Variants in TINAGL1 observed in about 807,000 individuals in gnomAD.
The protein encoded by TINAGL1 is tubulointerstitial nephritis antigen-like.
A neutral mutation model predicts 62.0 loss-of-function variants in TINAGL1; 34 were observed. That is an observed-to-expected ratio of 0.55 (90% confidence interval 0.42 to 0.73). The LOEUF is 0.73. Ranked by LOEUF, TINAGL1 falls within the 30% of genes least tolerant of loss-of-function variation. The pLI is 0.00. For missense variants in TINAGL1, 516 were observed against 653.2 expected (o/e 0.79, Z 2.29); for synonymous variants, 221 against 249.7 (o/e 0.88, Z 1.08).
In TINAGL1 at chr1:31,584,461, C is replaced by A; in HGVS notation, c.583-217C>A. 1.6e-6 allele frequency: 1 copy of A among 627,820 alleles called. No individual in the cohort carries two copies. Among genetic ancestry groups the A allele is most frequent in the Non-Finnish European group, 2.7e-6 (1 of 368,160 alleles). 38.9% of individuals were successfully genotyped at this position (627,820 alleles called of 1,614,324 possible). On this transcript the variant is annotated intron_variant, in intron 5 of 11. Coordinates refer to ENST00000271064, the MANE Select transcript of TINAGL1 (RefSeq NM_022164.3). This position sits in a 1 kb window ranked among gnomAD's most constrained non-coding sequence, Gnocchi z 4.0. ...GCAGGACTAGTCACCACCGCCACCC[C>A]GCCCCGCCCCACCACCTGATACCTG...
In TINAGL1 at chr1:31,584,333, G is replaced by A. The variant is rs1021959415; in HGVS notation, c.583-345G>A. ...CTAAGGCCTGAAGAAAGCTAAGGCC[G>A]ATCAGAAGGTGCAGAGGAAAGAGGC... On this transcript the variant is annotated intron_variant, in intron 5 of 11. Transcript: ENST00000271064. The surrounding 1 kb of genome is among the most constrained non-coding windows in gnomAD (Gnocchi z 4.0). The A allele has an allele frequency of 2.2e-5, 6 of 275,256 alleles. No homozygotes were observed. The highest frequency in any genetic ancestry group is 5.2e-5 in the South Asian group (1 of 19,200). 17.1% of individuals were successfully genotyped at this position (275,256 alleles called of 1,614,324 possible).
intron 10 of TINAGL1, 88 bp from the exon 11 acceptor site, chr1:31,586,622 G>T: frequency 6.7e-7 from 1 of 1,503,440 alleles, no homozygotes; most frequent in South Asian, 1.2e-5. Context: ...AAAGGCAACT[G>T]GGGGCTGGAT....
At chr1:31,581,225 G>T (rs1011080648) in intron 3 of TINAGL1, among the ~76,000 whole-genome samples, 1 of 143,370 alleles carries the variant, frequency 7.0e-6, no homozygotes. Flanking sequence ...AGGAAGCCAC[G>T]TAGAGAGCAC....
rs770089234 is a variant in TINAGL1, at chr1:31,585,032, C to T, written c.853C>T (p.Arg285Ter). The T allele has an allele frequency of 1.9e-6, 3 of 1,595,726 alleles. No homozygotes were observed. Among genetic ancestry groups the T allele is most frequent in the Non-Finnish European group, 2.6e-6 (3 of 1,167,786 alleles). Residue 285 changes from arginine to a stop codon, truncating the protein, a stop_gained, in exon 7 of 12, where the codon CGA becomes TGA. Coordinates refer to ENST00000271064, the MANE Select transcript of TINAGL1 (RefSeq NM_022164.3). LOFTEE classifies it high-confidence loss of function. This position sits in a 1 kb window ranked among gnomAD's most constrained non-coding sequence, Gnocchi z 4.3. ...LDGAWWFLRR[R>*]GVVSDHCYPF... is the part of the protein sequence containing the mutation. ...TGGTGCCTGGTGGTTCCTGCGTCGCCGAGGGTATGCAGCAACAGGGGATGT... is the reference window on the plus strand; with the variant it reads ...TGGTGCCTGGTGGTTCCTGCGTCGCTGAGGGTATGCAGCAACAGGGGATGT...
In TINAGL1 at chr1:31,584,486, G is replaced by A; in HGVS notation, c.583-192G>A. The stretch of plus-strand genomic sequence containing the variant: ...CGCCCCGCCCCACCACCTGATACCT[G>A]GGAGGCACTAAATGGTGCTTGGTTC... On this transcript the variant is annotated intron_variant, in intron 5 of 11. Coordinates refer to ENST00000271064, the MANE Select transcript of TINAGL1 (RefSeq NM_022164.3). The surrounding 1 kb of genome is among the most constrained non-coding windows in gnomAD (Gnocchi z 4.0). 8 of 765,622 alleles carry A rather than the reference G, an allele frequency of 1.0e-5. No individual in the cohort carries two copies. The highest frequency in any genetic ancestry group is 1.7e-5 in the Non-Finnish European group (8 of 480,054). The allele number at this position is 765,622 out of a possible 1,614,324, so 47.4% of individuals were successfully genotyped here. A position where few individuals can be genotyped will look rare whatever the true frequency, so the allele number is the denominator to read the frequency against.
intron 3 of TINAGL1, 101 bp downstream of exon 3, chr1:31,579,368 T>C: frequency 9.5e-7 from 1 of 1,047,794 alleles, no homozygotes; most frequent in Non-Finnish European, 1.5e-6. Flanking sequence ...GAGAAGTCTT[T>C]TCCCTTCTTT....
chr1:31,586,889 C>A lies in TINAGL1; in HGVS notation c.1314C>A (p.Arg438=). ...GPAWGERGHF[R]IVRGVNECDI... is the part of the protein sequence containing the mutation. ...CCTGGGGCGAGAGGGGCCACTTCCG[C>A]ATCGTGCGCGGCGTCAATGAGTGCG... Residue 438 remains arginine, a synonymous_variant, in exon 12 of 12, where the codon CGC becomes CGA. Transcript: ENST00000271064. The A allele has an allele frequency of 6.4e-7, 1 of 1,552,296 alleles. No homozygotes were observed. Among genetic ancestry groups the A allele is most frequent in the East Asian group, 2.3e-5 (1 of 43,560 alleles).
In TINAGL1 at chr1:31,583,714, C is replaced by T; in HGVS notation, c.582+139C>T. The T allele has an allele frequency of 1.4e-6, 1 of 696,746 alleles. No individual in the cohort carries two copies. The highest frequency in any genetic ancestry group is 2.5e-6 in the Non-Finnish European group (1 of 407,310). The allele number at this position is 696,746 out of a possible 1,614,324, so 43.2% of individuals were successfully genotyped here. On this transcript the variant is annotated intron_variant, in intron 5 of 11. Coordinates refer to ENST00000271064, the MANE Select transcript of TINAGL1 (RefSeq NM_022164.3). This position sits in a 1 kb window ranked among gnomAD's most constrained non-coding sequence, Gnocchi z 4.4. ...GTGTGTCCCTGGACAAGTTACTCCC[C>T]TTCTCTGGGCCTCTGTTCCCTGCTT...
Position 31,585,519 on chromosome 1 carries a change from A to C in TINAGL1, c.1093+34A>C. On this transcript the variant is annotated intron_variant, in intron 9 of 11. Transcript: ENST00000271064. This position sits in a 1 kb window ranked among gnomAD's most constrained non-coding sequence, Gnocchi z 4.3. ...CCTTATCCAGCACCCTGGTTCCAGA[A>C]GCTTGTGCCTGCTTGAGAGTGGGCA... 1 of 1,613,030 alleles carries C rather than the reference A, an allele frequency of 6.2e-7. No individual in the cohort carries two copies. Among genetic ancestry groups the C allele is most frequent in the Non-Finnish European group, 8.5e-7 (1 of 1,179,464 alleles).
chr1:31,580,294 T>G, intron 3 of TINAGL1: 7 of 1,239,286 alleles, frequency 5.6e-6, no homozygotes, highest in Non-Finnish European at 7.3e-6. Flanking sequence ...TTAGGCCCCC[T>G]CTGGAATGCT....
At chr1:31,586,255 G>A in intron 10 of TINAGL1, 1 of 308,486 alleles carries the variant, frequency 3.2e-6, no homozygotes, top group Non-Finnish European at 6.0e-6. Flanking sequence ...ATAGATGTTA[G>A]GATCACTGAC....
In TINAGL1 at chr1:31,583,016, G is replaced by C; in HGVS notation, c.375-133G>C. On this transcript the variant is annotated intron_variant, in intron 3 of 11. Coordinates refer to ENST00000271064, the MANE Select transcript of TINAGL1 (RefSeq NM_022164.3). This position sits in a 1 kb window ranked among gnomAD's most constrained non-coding sequence, Gnocchi z 4.4. Reference sequence around the variant, plus strand: ...GTTGACATTTAAAGCCACCAGGCTGGATGGGATCACCTAGAGATTCTCCCA... The same window carrying C: ...GTTGACATTTAAAGCCACCAGGCTGCATGGGATCACCTAGAGATTCTCCCA... 1.3e-6 allele frequency: 1 copy of C among 758,390 alleles called. No individual in the cohort carries two copies. The highest frequency in any genetic ancestry group is 2.3e-6 in the Non-Finnish European group (1 of 431,278). 47.0% of individuals were successfully genotyped at this position (758,390 alleles called of 1,614,324 possible).
chr1:31,577,498 C>T lies in TINAGL1; in HGVS notation c.310+40C>T, dbSNP rs1478752825. On this transcript the variant is annotated intron_variant, in intron 2 of 11. Transcript: ENST00000271064. This position sits in a 1 kb window ranked among gnomAD's most constrained non-coding sequence, Gnocchi z 5.4. ...GGCCAGGAGGGTGGGTCACTTTGTCCACCTCAGACTCAGCAAGGCTCAAGA... is the reference window on the plus strand; with the variant it reads ...GGCCAGGAGGGTGGGTCACTTTGTCTACCTCAGACTCAGCAAGGCTCAAGA... 5 of 1,566,428 alleles carry T rather than the reference C, an allele frequency of 3.2e-6. No individual in the cohort carries two copies. The African/African-American group carries it at 5.4e-5, about 17-fold the overall frequency.
At position 31,583,594 on chromosome 1, in the gene TINAGL1, A is replaced by G; in HGVS notation, c.582+19A>G. 1 of 1,594,922 alleles carries G rather than the reference A, an allele frequency of 6.3e-7. No homozygotes were observed. The highest frequency in any genetic ancestry group is 2.3e-5 in the East Asian group (1 of 44,182). On this transcript the variant is annotated intron_variant, in intron 5 of 11. Coordinates refer to ENST00000271064, the MANE Select transcript of TINAGL1 (RefSeq NM_022164.3). The surrounding 1 kb of genome is among the most constrained non-coding windows in gnomAD (Gnocchi z 4.4). ...AATTTATGTAAGTCCATCCTTCCCC[A>G]CAATGCTGCCATCTCCCCATGGCTC...
rs1639380080 is a variant in TINAGL1, at chr1:31,585,937, G to A, written c.1217+61G>A. ...CAGGGTTTGTGCTAGGGGCTCTGGA[G>A]CCTGCCTTGGGTTCTTACAACCTCT... On this transcript the variant is annotated intron_variant, in intron 10 of 11. Coordinates refer to ENST00000271064, the MANE Select transcript of TINAGL1 (RefSeq NM_022164.3). This position sits in a 1 kb window ranked among gnomAD's most constrained non-coding sequence, Gnocchi z 4.3. 37 of 1,500,354 alleles carry A rather than the reference G, an allele frequency of 2.5e-5. No homozygotes were observed. Among genetic ancestry groups the A allele is most frequent in the Non-Finnish European group, 3.3e-5 (37 of 1,121,448 alleles). The allele number at this position is 1,500,354 out of a possible 1,614,324, so 92.9% of individuals were successfully genotyped here. A position where few individuals can be genotyped will look rare whatever the true frequency, so the allele number is the denominator to read the frequency against.
At chr1:31,586,532 C>A in intron 10 of TINAGL1, 178 bp from the exon 11 acceptor site, 1 of 705,214 alleles carries the variant, frequency 1.4e-6, no homozygotes, top group Non-Finnish European at 2.5e-6. Flanking sequence ...CTGGGTGCAC[C>A]GACTTACAGA....
Position 31,585,289 on chromosome 1 carries a change from T to TA in TINAGL1, c.998dup (p.Asn333LysfsTer2), listed in dbSNP as rs751850340. On this transcript the variant is annotated frameshift_variant, in exon 8 of 12. Transcript: ENST00000271064. LOFTEE classifies it high-confidence loss of function. This position sits in a 1 kb window ranked among gnomAD's most constrained non-coding sequence, Gnocchi z 4.3. ...CTGCCCACTGCCCCAACAGCTATGT[T>TA]AATAACAATGACATCTACCAGGTCA... 1 of 1,612,500 alleles carries TA rather than the reference T, an allele frequency of 6.2e-7. No individual in the cohort carries two copies. The highest frequency in any genetic ancestry group is 1.3e-5 in the African/African-American group (1 of 75,052).
chr1:31,583,646 C>T lies in TINAGL1; in HGVS notation c.582+71C>T. ...GAACCTCAGGGATGCTGGCCCTGTG[C>T]CCTGCTCCTCCAAGGGCCTGGACCA... On this transcript the variant is annotated intron_variant, in intron 5 of 11. Coordinates refer to ENST00000271064, the MANE Select transcript of TINAGL1 (RefSeq NM_022164.3). The surrounding 1 kb of genome is among the most constrained non-coding windows in gnomAD (Gnocchi z 4.4). The T allele has an allele frequency of 7.4e-7, 1 of 1,353,422 alleles. No individual in the cohort carries two copies. The highest frequency in any genetic ancestry group is 1.0e-6 in the Non-Finnish European group (1 of 975,486). The allele number at this position is 1,353,422 out of a possible 1,614,324, so 83.8% of individuals were successfully genotyped here.
chr1:31,585,519 AG>A lies in TINAGL1; in HGVS notation c.1093+35del, dbSNP rs1570219313. 6.2e-7 allele frequency: 1 copy of A among 1,613,030 alleles called. No homozygotes were observed. The highest frequency in any genetic ancestry group is 8.5e-7 in the Non-Finnish European group (1 of 1,179,464). On this transcript the variant is annotated intron_variant, in intron 9 of 11. Coordinates refer to ENST00000271064, the MANE Select transcript of TINAGL1 (RefSeq NM_022164.3). The surrounding 1 kb of genome is among the most constrained non-coding windows in gnomAD (Gnocchi z 4.3). ...CCTTATCCAGCACCCTGGTTCCAGA[AG>A]CTTGTGCCTGCTTGAGAGTGGGCAC...
Sources: gnomAD v4.1 joint callset for allele counts (sites outside exome capture counted in the v4.1 genomes callset) on GRCh38, gnomAD v4.1.1 for gene constraint, Gnocchi (gnomAD v3.1) non-coding constraint, MANE v1.5 for transcripts, NCBI Gene and HGNC (gene_info 2026-07-23, HGNC 2026-07-21) for gene names.